ABCC3: variants seen among roughly 807,000 people sequenced by gnomAD.
ABCC3 encodes the protein ATP-binding cassette sub-family C member 3.
In ABCC3, 121 loss-of-function variants were observed where a neutral mutation model predicts 165.3. The observed-to-expected ratio is 0.73, with a 90% CI of 0.63 to 0.85. The LOEUF (loss-of-function observed/expected upper bound fraction) is 0.85. Among genes scored for constraint, ABCC3 ranks in the 40% least tolerant of loss-of-function variants. The pLI, the probability that ABCC3 is intolerant of heterozygous loss-of-function variation, is 0.00. For missense variants in ABCC3, 1,869 were observed against 1,964.1 expected (o/e 0.95, Z 0.92); for synonymous variants, 733 against 810.1 (o/e 0.90, Z 1.62).
At chr17:50,680,651 GCTCC>G in intron 26 of ABCC3, among the ~76,000 whole-genome samples, 1 of 152,048 alleles carries the variant, frequency 6.6e-6, no homozygotes, top group African/African-American at 2.4e-5. Context: ...TAGAGTCTAT[GCTCC>G]ACCAACACAA....
intron 1 of ABCC3, among the ~76,000 whole-genome samples, chr17:50,639,766 CCTT>C (rs1402047021): frequency 3.0e-5 from 4 of 132,780 alleles, no homozygotes; most frequent in Admixed American, 2.3e-4. Context: ...TTGGATTTCT[CCTT>C]TTTTTTTTTT....
intron 19 of ABCC3, among the ~76,000 whole-genome samples, 189 bp downstream of exon 19, chr17:50,673,847 T>C (rs1382395240): frequency 6.6e-6 from 1 of 151,954 alleles, no homozygotes; most frequent in African/African-American, 2.4e-5. Flanking sequence ...TCCTCCATCC[T>C]ACTCTACCCT....
intron 14 of ABCC3, 92 bp from the exon 15 acceptor site, chr17:50,668,761 C>A: frequency 9.2e-7 from 1 of 1,086,386 alleles, no homozygotes; most frequent in Non-Finnish European, 1.4e-6. Flanking sequence ...AGGCTCCTCC[C>A]CTGTCCTCCT....
chr17:50,670,187 A>C (rs1008145037), intron 17 of ABCC3, among the ~76,000 whole-genome samples: 1 of 151,994 alleles, frequency 6.6e-6, no homozygotes, highest in Non-Finnish European at 1.5e-5. Flanking sequence ...GGTTCAAGCA[A>C]TTCTCGTGTC....
At chr17:50,637,829 C>T (rs940401024) in intron 1 of ABCC3, among the ~76,000 whole-genome samples, 7 of 152,222 alleles carry the variant, frequency 4.6e-5, no homozygotes, top group Non-Finnish European at 7.3e-5. Context: ...AAATGTCAGA[C>T]GTGGGAAGAC....
intron 15 of ABCC3, 39 bp downstream of exon 15, chr17:50,668,958 T>TG: frequency 6.2e-7 from 1 of 1,609,554 alleles, no homozygotes; most frequent in Non-Finnish European, 8.5e-7. Flanking sequence ...CTGCCCACGG[T>TG]GGGCTGGAAG....
chr17:50,669,278 A>C lies in ABCC3; in HGVS notation c.2064+12A>C. 2.5e-6 allele frequency: 4 copies of C among 1,614,088 alleles called. No homozygotes were observed. Among genetic ancestry groups the C allele is most frequent in the Non-Finnish European group, 3.4e-6 (4 of 1,179,992 alleles). The stretch of plus-strand genomic sequence containing the variant: ...AAGTGCACATGAAGGTGAGAGAGGC[A>C]GGGGCTCCTGGGCAGGGTGTGGGGC... On this transcript the variant is annotated intron_variant, in intron 16 of 30. Transcript: ENST00000285238.
In ABCC3 at chr17:50,672,963, C is replaced by T. The variant is rs547004276; in HGVS notation, c.2242-8C>T. On this transcript the variant is annotated splice_region_variant and splice_polypyrimidine_tract_variant and intron_variant, in intron 17 of 30. Coordinates refer to ENST00000285238, the MANE Select transcript of ABCC3 (RefSeq NM_003786.4). Reference sequence around the variant, plus strand: ...ACCCCATTTTTCCCACCCCCCGCCTCCCTCCAGGGCATTAACCTGTCTGGG... The same window carrying T: ...ACCCCATTTTTCCCACCCCCCGCCTTCCTCCAGGGCATTAACCTGTCTGGG... 1.6e-5 allele frequency: 25 copies of T among 1,612,452 alleles called. 1 individual carries two copies. The South Asian group carries it at 2.1e-4, about 13-fold the overall frequency.
chr17:50,683,737 ATGTGCACGG>A lies in ABCC3; in HGVS notation c.3938_3946del (p.Val1313_Gly1315del). The A allele has an allele frequency of 6.2e-7, 1 of 1,606,820 alleles. No individual in the cohort carries two copies. Among genetic ancestry groups the A allele is most frequent in the Non-Finnish European group, 8.5e-7 (1 of 1,177,386 alleles). ...CTGGTGCTGAGAGACCTGAGTCTGC[ATGTGCACGG>A]TGGCGAGAAGGTACGCGTGGGGTAG... On this transcript the variant is annotated inframe_deletion, in exon 27 of 31. Transcript: ENST00000285238.
Position 50,658,508 on chromosome 17 carries a change from C to A in ABCC3, c.674+12C>A, listed in dbSNP as rs1245397866. ...TGGTGGTTCACAAAGTGAGTTGGCT[C>A]TTCCACCAGCCAGGCCAGAGGGAGG... is the stretch of plus-strand genomic sequence containing the variant. On this transcript the variant is annotated intron_variant, in intron 6 of 30. Transcript: ENST00000285238. 1 of 1,611,686 alleles carries A rather than the reference C, an allele frequency of 6.2e-7. No homozygotes were observed. The highest frequency in any genetic ancestry group is 2.2e-5 in the East Asian group (1 of 44,884).
At position 50,678,255 on chromosome 17, in the gene ABCC3, C is replaced by T. The variant is rs755224226; in HGVS notation, c.3705+36C>T. On this transcript the variant is annotated intron_variant, in intron 25 of 30. Coordinates refer to ENST00000285238, the MANE Select transcript of ABCC3 (RefSeq NM_003786.4). ...CCTGGACCCCAGGGCAGGGCCACCACTGGGACAGAAACCACACAGGTGTTC... is the reference window on the plus strand; with the variant it reads ...CCTGGACCCCAGGGCAGGGCCACCATTGGGACAGAAACCACACAGGTGTTC... 3 of 1,511,492 alleles carry T rather than the reference C, an allele frequency of 2.0e-6. No homozygotes were observed. The East Asian group carries it at 6.8e-5, about 34-fold the overall frequency. The allele number at this position is 1,511,492 out of a possible 1,614,324, so 93.6% of individuals were successfully genotyped here.
intron 17 of ABCC3, among the ~76,000 whole-genome samples, chr17:50,670,502 T>C (rs1441854217): frequency 6.6e-6 from 1 of 152,200 alleles, no homozygotes; most frequent in Non-Finnish European, 1.5e-5. Flanking sequence ...TAGTATACAG[T>C]AGTGAATACT....
At chr17:50,656,170 C>T (rs1283787348) in intron 2 of ABCC3, among the ~76,000 whole-genome samples, 162 bp downstream of exon 2, 1 of 152,214 alleles carries the variant, frequency 6.6e-6, no homozygotes, top group East Asian at 1.9e-4. Context: ...ACTGCAACCT[C>T]TGCCTTCTGG....
At position 50,661,010 on chromosome 17, in the gene ABCC3, C is replaced by T; in HGVS notation, c.894C>T (p.Ser298=). The T allele has an allele frequency of 6.2e-7, 1 of 1,614,140 alleles. No individual in the cohort carries two copies. The highest frequency in any genetic ancestry group is 1.1e-5 in the South Asian group (1 of 91,080). The change falls in exon 8 of 31, where the codon TCC becomes TCT. Residue 298 remains serine, a synonymous_variant. Transcript: ENST00000285238. The stretch of plus-strand genomic sequence containing the variant: ...CCCGGCCCAGGCCCCGGAAGCCCTC[C>T]TTCCTGAAGGCCCTGCTGGCCACCT... ...LGARPRPRKP[S]FLKALLATFG... is the part of the protein sequence containing the mutation.
chr17:50,661,264 G>T (rs780996407), intron 8 of ABCC3, 150 bp downstream of exon 8: 8 of 800,870 alleles, frequency 1.0e-5, no homozygotes, highest in Non-Finnish European at 1.5e-5. Context: ...TTGGCAAGTG[G>T]CATTGCCTGA....
chr17:50,669,236 G>A lies in ABCC3; in HGVS notation c.2034G>A (p.Met678Ile). ...TGGTGTCTGCCCTGCTGGGAGAGAT[G>A]GAGAAGCTAGAAGGCAAAGTGCACA... ...SSLVSALLGE[M>I]EKLEGKVHMK... Residue 678 changes from methionine to isoleucine, a missense_variant, in exon 16 of 31, where the codon ATG becomes ATA. Transcript: ENST00000285238. 2 of 1,613,924 alleles carry A rather than the reference G, an allele frequency of 1.2e-6. No individual in the cohort carries two copies. The highest frequency in any genetic ancestry group is 1.7e-5 in the Admixed American group (1 of 59,932).
chr17:50,645,543 A>G (rs1313730162), intron 1 of ABCC3, among the ~76,000 whole-genome samples: 1 of 152,104 alleles, frequency 6.6e-6, no homozygotes, highest in African/African-American at 2.4e-5. Context: ...TGAAAGTTTA[A>G]AGGGATGGTA....
chr17:50,638,434 G>A (rs532352157), intron 1 of ABCC3, among the ~76,000 whole-genome samples: 1 of 152,300 alleles, frequency 6.6e-6, no homozygotes, highest in East Asian at 1.9e-4. Context: ...GTCACTGGGG[G>A]GTATGTAAGG....
intron 19 of ABCC3, among the ~76,000 whole-genome samples, chr17:50,673,980 C>CTT (rs1967725765): frequency 0.17 from 1,619 of 9,368 alleles, 378 homozygotes; most frequent in South Asian, 0.21. Context: ...TTCTTTCTTT[C>CTT]TCTCTCTCTC....
Sources: gnomAD v4.1 joint callset for allele counts (sites outside exome capture counted in the v4.1 genomes callset) on GRCh38, gnomAD v4.1.1 for gene constraint, MANE v1.5 for transcripts, NCBI Gene and HGNC (gene_info 2026-07-23, HGNC 2026-07-21) for gene names.